Variants in SRFBP1 observed in about 807,000 individuals in gnomAD.
SRFBP1 encodes the protein serum response factor-binding protein 1.
A neutral mutation model predicts 45.5 loss-of-function variants in SRFBP1; 47 were observed. The ratio of observed to expected loss-of-function variants is 1.03; its 90% confidence interval spans 0.82 to 1.32. The LOEUF is 1.32. Ranked by LOEUF, SRFBP1 falls within the 40% of genes most tolerant of loss-of-function variation. SRFBP1 has a pLI of 0.00. For synonymous variants in SRFBP1, 203 were observed against 166.3 expected (o/e 1.22, Z -1.70); for missense variants, 621 against 484.6 (o/e 1.28, Z -2.64).
At chr5:121,977,495 CA>C (rs1752327117) in intron 3 of SRFBP1, among the ~76,000 whole-genome samples, 1 of 152,046 alleles carries the variant, frequency 6.6e-6, no homozygotes, top group South Asian at 2.1e-4. Context: ...CTTTTCTAAA[CA>C]AAGCAAATAA....
chr5:122,004,260 C>T (rs1172186972), intron 4 of SRFBP1, among the ~76,000 whole-genome samples: 1 of 152,122 alleles, frequency 6.6e-6, no homozygotes, highest in Non-Finnish European at 1.5e-5. Context: ...TTACAGTTTC[C>T]AGCCTTACGT....
chr5:122,003,426 C>T (rs748933605), intron 4 of SRFBP1, among the ~76,000 whole-genome samples: 8 of 151,508 alleles, frequency 5.3e-5, no homozygotes, highest in Non-Finnish European at 7.4e-5. Flanking sequence ...AATAATGACA[C>T]GTTGAACAGA....
At chr5:121,963,535 GCTAA>G (rs920412428) in intron 1 of SRFBP1, among the ~76,000 whole-genome samples, 2 of 152,082 alleles carry the variant, frequency 1.3e-5, no homozygotes, top group African/African-American at 4.8e-5. Context: ...TTCACACTTA[GCTAA>G]CTTTTGTTCT....
intron 1 of SRFBP1, among the ~76,000 whole-genome samples, chr5:121,962,454 T>C (rs1201683509): frequency 5.3e-5 from 8 of 152,224 alleles, no homozygotes; most frequent in Admixed American, 5.2e-4. Context: ...ACCTGCTCTT[T>C]ATTGCCTGTC....
chr5:121,976,812 C>T (rs974302343), intron 3 of SRFBP1, among the ~76,000 whole-genome samples: 1 of 150,514 alleles, frequency 6.6e-6, no homozygotes, highest in Non-Finnish European at 1.5e-5. Flanking sequence ...CTGACTTTAA[C>T]TTCTTTTGTA....
intron 2 of SRFBP1, among the ~76,000 whole-genome samples, chr5:122,050,110 G>T (rs537916164): frequency 6.6e-6 from 1 of 152,290 alleles, no homozygotes; most frequent in South Asian, 2.1e-4. Context: ...CATTGGGCTG[G>T]ATTAGCTTTT....
chr5:122,047,214 A>G (rs1376032153), intron 2 of SRFBP1, among the ~76,000 whole-genome samples: 4 of 152,086 alleles, frequency 2.6e-5, no homozygotes, highest in East Asian at 1.9e-4. Flanking sequence ...ATCTTGAATT[A>G]ATTTTTGTAT....
rs542027547 is a variant in SRFBP1 at position 122,055,346 on chromosome 5, T to G, written n.312-19969T>G. On this transcript the variant is annotated intron_variant and non_coding_transcript_variant, in intron 2 of 2. Transcript: ENST00000504881. ...ATATCATCACCTTGGGAGTGAGGAT[T>G]TCAGCATATAAGCTTGAGGAGAGAA... Among the ~76,000 whole-genome samples, 4 of 152,302 alleles carry G rather than the reference T, an allele frequency of 2.6e-5. No homozygotes were observed. The East Asian group carries it at 7.7e-4, about 29-fold the overall frequency.
At chr5:122,073,708 A>G (rs996911131) in intron 2 of SRFBP1, among the ~76,000 whole-genome samples, 22 of 152,196 alleles carry the variant, frequency 1.4e-4, no homozygotes, top group African/African-American at 5.3e-4. Flanking sequence ...AATAGGGGCC[A>G]CATGCATAAC....
At chr5:121,984,398 C>CT (rs1359345176) in intron 3 of SRFBP1, among the ~76,000 whole-genome samples, 1 of 151,690 alleles carries the variant, frequency 6.6e-6, no homozygotes, top group Non-Finnish European at 1.5e-5. Context: ...ATTAACACAT[C>CT]TTTCCTTTTG....
rs780488416 is a variant in SRFBP1 at position 122,070,016 on chromosome 5, G to A, written n.312-5299G>A. The A allele has an allele frequency of 7.1e-6, 10 of 1,416,822 alleles. No individual in the cohort carries two copies. The South Asian group carries it at 1.0e-4, about 15-fold the overall frequency. 87.8% of individuals were successfully genotyped at this position (1,416,822 alleles called of 1,614,324 possible). A position where few individuals can be genotyped will look rare whatever the true frequency, so the allele number is the denominator to read the frequency against. ...TGTTTGGCATGAACAAAAATTATTT[G>A]TGACAACAATTACTTAGCTAAGCAA... On this transcript the variant is annotated intron_variant and non_coding_transcript_variant, in intron 2 of 2. Transcript: ENST00000504881.
chr5:122,049,342 T>G (rs1198434033), intron 2 of SRFBP1, among the ~76,000 whole-genome samples: 2 of 152,142 alleles, frequency 1.3e-5, no homozygotes, highest in Admixed American at 1.3e-4. Flanking sequence ...TAAATATGTA[T>G]GCACCCAATA....
chr5:122,057,943 G>A (rs753387262), intron 2 of SRFBP1, among the ~76,000 whole-genome samples: 1 of 151,998 alleles, frequency 6.6e-6, no homozygotes, highest in African/African-American at 2.4e-5. Context: ...CCTCCCCCAA[G>A]TGCTAAGATT....
intron 2 of SRFBP1, among the ~76,000 whole-genome samples, chr5:122,043,430 G>T (rs1040934848): frequency 6.6e-6 from 1 of 152,026 alleles, no homozygotes; most frequent in African/African-American, 2.4e-5. Flanking sequence ...TGGCCAGGCT[G>T]GTCTCAAACT....
intron 2 of SRFBP1, among the ~76,000 whole-genome samples, chr5:122,051,893 T>C (rs764112509): frequency 2.6e-5 from 4 of 152,174 alleles, no homozygotes; most frequent in Non-Finnish European, 5.9e-5. Flanking sequence ...CTGGTAACAG[T>C]CCTTTCCGTA....
At chr5:121,964,617 A>G (rs577206018) in intron 1 of SRFBP1, among the ~76,000 whole-genome samples, 424 of 152,206 alleles carry the variant, frequency 2.8e-3, no homozygotes, top group Non-Finnish European at 3.4e-3. Context: ...GGTTGGTTCA[A>G]AGTCTTTGCT....
intron 2 of SRFBP1, among the ~76,000 whole-genome samples, chr5:122,043,279 G>A (rs1284080318): frequency 8.6e-5 from 13 of 151,758 alleles, no homozygotes; most frequent in East Asian, 5.8e-4. Context: ...GCAGTGGTGC[G>A]ATTTTGGCTC....
intron 2 of SRFBP1, among the ~76,000 whole-genome samples, chr5:122,036,075 GCTCAAACTCTGCA>G (rs1308348255): frequency 2.0e-5 from 3 of 152,220 alleles, no homozygotes; most frequent in Non-Finnish European, 4.4e-5. Flanking sequence ...GGCCAGGGTT[GCTCAAACTCTGCA>G]CGTTCCCAAG....
chr5:122,069,536 C>T (rs140690372), intron 2 of SRFBP1, among the ~76,000 whole-genome samples: 6 of 152,194 alleles, frequency 3.9e-5, no homozygotes, highest in Non-Finnish European at 5.9e-5. Flanking sequence ...CCACACACCT[C>T]AATCTTTTGC....
Sources: gnomAD v4.1 joint callset for allele counts (sites outside exome capture counted in the v4.1 genomes callset) on GRCh38, gnomAD v4.1.1 for gene constraint, MANE v1.5 for transcripts, NCBI Gene and HGNC (gene_info 2026-07-23, HGNC 2026-07-21) for gene names.